TRAK1: variants seen among roughly 807,000 people sequenced by gnomAD.
TRAK1 encodes trafficking kinesin-binding protein 1.
In TRAK1, 33 loss-of-function variants were observed where a neutral mutation model predicts 92.1. That is an observed-to-expected ratio of 0.36 (90% CI 0.27 to 0.48). The LOEUF is 0.48. Among genes scored for constraint, TRAK1 ranks in the 20% least tolerant of loss-of-function variants. The pLI, the probability that TRAK1 is intolerant of heterozygous loss-of-function variation, is 0.99. For synonymous variants in TRAK1, 521 were observed against 517.3 expected, an observed-to-expected ratio of 1.01 and a Z score of -0.10; for missense variants, 1,123 against 1,257.9, an observed-to-expected ratio of 0.89 and a Z score of 1.62.
intron 1 of TRAK1, among the ~76,000 whole-genome samples, chr3:42,059,118 A>G (rs1703322806): frequency 1.3e-5 from 2 of 151,490 alleles, no homozygotes; most frequent in Non-Finnish European, 2.9e-5. Context: ...CTTTTGAGAC[A>G]GGGTCTTGTT....
rs779064338 is a variant in TRAK1 at position 42,026,524 on chromosome 3, C to CT, written c.-519+12425dup. ...CAGTGATCAAAGAGATCAGTGATCT[C>CT]TTTTTTTTTTTTTTTTTTGAGACAG... is the stretch of plus-strand genomic sequence containing the variant. On this transcript the variant is annotated intron_variant, in intron 1 of 16. Transcript: ENST00000487159. 5.5e-3 allele frequency among the ~76,000 whole-genome samples: 737 copies of CT among 135,022 alleles called. 3 individuals carry two copies. Among genetic ancestry groups the CT allele is most frequent in the South Asian group, 0.035 (149 of 4,234 alleles). The allele number at this position is 135,022 out of a possible 152,430, so 88.6% of individuals were successfully genotyped here. A position where few individuals can be genotyped will look rare whatever the true frequency, so the allele number is the denominator to read the frequency against.
At chr3:42,063,539 A>AG (rs1443244955) in intron 1 of TRAK1, among the ~76,000 whole-genome samples, 2 of 152,100 alleles carry the variant, frequency 1.3e-5, no homozygotes, top group South Asian at 4.1e-4. Context: ...TACAAAAACT[A>AG]GCCAGGCCTG....
At chr3:42,108,858 TG>T (rs1707954839) in intron 1 of TRAK1, among the ~76,000 whole-genome samples, 1 of 151,962 alleles carries the variant, frequency 6.6e-6, no homozygotes, top group Non-Finnish European at 1.5e-5. Flanking sequence ...AGTCTCAGAA[TG>T]GGTCAAAAAG....
At chr3:42,022,109 G>A (rs1046348892) in intron 1 of TRAK1, among the ~76,000 whole-genome samples, 61 of 152,252 alleles carry the variant, frequency 4.0e-4, no homozygotes, top group African/African-American at 1.4e-3. Flanking sequence ...GTGAGCTGTG[G>A]TTTTTGCTCA....
At chr3:42,211,026 A>G (rs1341901971) in intron 14 of TRAK1, 4 of 985,360 alleles carry the variant, frequency 4.1e-6, no homozygotes, top group Non-Finnish European at 3.6e-6. Context: ...TGTGTTGGGA[A>G]GGCAAAGCTT....
chr3:42,030,500 C>T (rs1702090483), intron 1 of TRAK1, among the ~76,000 whole-genome samples: 2 of 149,832 alleles, frequency 1.3e-5, no homozygotes, highest in Non-Finnish European at 3.0e-5. Context: ...TGATGAAACC[C>T]CATCTCTACT....
intron 2 of TRAK1, among the ~76,000 whole-genome samples, chr3:42,152,651 G>A (rs1476382375): frequency 1.3e-5 from 2 of 152,212 alleles, no homozygotes; most frequent in Non-Finnish European, 2.9e-5. Flanking sequence ...ATGGGGAGGG[G>A]CTGGAAAAGA....
chr3:42,080,723 A>C (rs1459710907), intron 1 of TRAK1, among the ~76,000 whole-genome samples: 2 of 152,098 alleles, frequency 1.3e-5, no homozygotes, highest in East Asian at 3.9e-4. Context: ...TTGCCCTACA[A>C]ATTCCTGGGT....
At chr3:42,120,793 A>G (rs923940494) in intron 1 of TRAK1, among the ~76,000 whole-genome samples, 2 of 151,938 alleles carry the variant, frequency 1.3e-5, no homozygotes, top group African/African-American at 2.4e-5. Flanking sequence ...TGTTCCGCCC[A>G]CCTCAGCCTC....
intron 2 of TRAK1, among the ~76,000 whole-genome samples, chr3:42,165,795 C>G (rs1700806632): frequency 6.6e-6 from 1 of 152,082 alleles, no homozygotes; most frequent in African/African-American, 2.4e-5. Flanking sequence ...TTGTCCTTGT[C>G]TCCGCTTGGG....
intron 3 of TRAK1, among the ~76,000 whole-genome samples, chr3:42,181,908 C>T (rs1704051033): frequency 6.6e-6 from 1 of 151,588 alleles, no homozygotes; most frequent in Admixed American, 6.6e-5. Flanking sequence ...ACCTAATAAG[C>T]ACAGCTGTTG....
chr3:42,198,996 G>A (rs1158515036), intron 10 of TRAK1, among the ~76,000 whole-genome samples, 181 bp from the exon 11 acceptor site: 3 of 152,134 alleles, frequency 2.0e-5, no homozygotes, highest in Non-Finnish European at 4.4e-5. Flanking sequence ...AACCTGCCTG[G>A]GAAACTGCTC....
At chr3:42,204,142 C>A in intron 13 of TRAK1, 4 of 985,754 alleles carry the variant, frequency 4.1e-6, no homozygotes, top group Non-Finnish European at 4.8e-6. Flanking sequence ...GTTTTCTGAT[C>A]CACATTGTGT....
At chr3:42,060,958 T>C (rs1703413977) in intron 1 of TRAK1, among the ~76,000 whole-genome samples, 1 of 152,046 alleles carries the variant, frequency 6.6e-6, no homozygotes, top group Non-Finnish European at 1.5e-5. Flanking sequence ...TTGTTTGTTT[T>C]GCAGTTTTTT....
rs1426882279 is a variant in TRAK1, at chr3:42,138,881, GT to G, written c.286+13268del. Among the ~76,000 whole-genome samples, 29 of 97,530 alleles carry G rather than the reference GT, an allele frequency of 3.0e-4. No individual in the cohort carries two copies. The East Asian group carries it at 6.9e-3, about 23-fold the overall frequency. The allele number at this position is 97,530 out of a possible 152,430, so 64.0% of individuals were successfully genotyped here. On this transcript the variant is annotated intron_variant, in intron 2 of 15. Coordinates refer to ENST00000327628, the MANE Select transcript of TRAK1 (RefSeq NM_001042646.3). ...ACCTAAAAGAAAGCATAGGGGGTGTGTGTGTGTGTGTGTGTGTGTGTGTGTG... is the reference window on the plus strand; with the variant it reads ...ACCTAAAAGAAAGCATAGGGGGTGTGGTGTGTGTGTGTGTGTGTGTGTGTG...
intron 9 of TRAK1, among the ~76,000 whole-genome samples, chr3:42,194,438 T>A (rs78169302): frequency 0.055 from 8,313 of 151,712 alleles, 226 homozygotes; most frequent in Middle Eastern, 0.075. Flanking sequence ...GGTTTTCCCA[T>A]GTCGCCCAGG....
chr3:42,077,662 A>C (rs1478961391), intron 1 of TRAK1, among the ~76,000 whole-genome samples: 1 of 151,528 alleles, frequency 6.6e-6, no homozygotes, highest in Non-Finnish European at 1.5e-5. Context: ...GAGATCTTTC[A>C]CCTCCCTGGT....
At position 42,200,999 on chromosome 3, in the gene TRAK1, G is replaced by C. The variant is rs368474947; in HGVS notation, c.1372G>C (p.Val458Leu). The change falls in exon 12 of 16, where the codon GTC becomes CTC. Residue 458 changes from valine to leucine, a missense_variant. Coordinates refer to ENST00000327628, the MANE Select transcript of TRAK1 (RefSeq NM_001042646.3). ...CTACGGCAGCGACATAGGCAACGTC[G>C]TCCTCGACAACAAGACCAACAGCAT... Reference protein sequence around the residue: ...SFYGSDIGNVVLDNKTNSIIL... With the variant: ...SFYGSDIGNVLLDNKTNSIIL... 25 of 1,614,070 alleles carry C rather than the reference G, an allele frequency of 1.5e-5. No individual in the cohort carries two copies. Among genetic ancestry groups the C allele is most frequent in the Non-Finnish European group, 2.0e-5 (24 of 1,180,046 alleles).
upstream of TRAK1, among the ~76,000 whole-genome samples, chr3:42,089,204 C>T (rs1374642779): frequency 6.6e-6 from 1 of 152,174 alleles, no homozygotes; most frequent in Non-Finnish European, 1.5e-5. Context: ...TGCCTTTCTG[C>T]GATTCATACC....
Sources: allele counts gnomAD v4.1 joint callset (sites outside exome capture counted in the v4.1 genomes callset), GRCh38; gene constraint gnomAD v4.1.1; transcripts MANE v1.5; gene names NCBI Gene and HGNC (gene_info 2026-07-23, HGNC 2026-07-21).